The following RNF111 variants were observed in gnomAD, a reference collection of about 807,000 sequenced individuals.
RNF111 encodes ring finger protein 111.
RNF111 carries 17 observed loss-of-function variants against 95.1 expected under a neutral mutation model. The ratio of observed to expected loss-of-function variants is 0.18; its 90% CI spans 0.12 to 0.27. RNF111 has a LOEUF of 0.27. Ranked by LOEUF, RNF111 falls within the 10% of genes least tolerant of loss-of-function variation. The pLI is 1.00. For missense variants in RNF111, 1,189 were observed against 1,210.4 expected (o/e 0.98, Z 0.26); for synonymous variants, 440 against 414.8 (o/e 1.06, Z -0.74).
In RNF111 at chr15:59,020,026, A is replaced by G. The variant is rs950009420; in HGVS notation, c.-19-10778A>G. Among the ~76,000 whole-genome samples the G allele has an allele frequency of 5.3e-5, 8 of 151,634 alleles. No individual in the cohort carries two copies. The East Asian group carries it at 1.5e-3, about 29-fold the overall frequency. On this transcript the variant is annotated intron_variant, in intron 1 of 13. Transcript: ENST00000348370. ...TAGCTACTGCACCGAAATGGGGTTAATGGATTTTTGAGTTTAGTTCTCTTA... is the reference window on the plus strand; with the variant it reads ...TAGCTACTGCACCGAAATGGGGTTAGTGGATTTTTGAGTTTAGTTCTCTTA...
chr15:59,049,148 CA>C (rs1458155251), intron 2 of RNF111, among the ~76,000 whole-genome samples: 2 of 152,130 alleles, frequency 1.3e-5, no homozygotes, highest in African/African-American at 4.8e-5. Flanking sequence ...TTCCATCTTC[CA>C]AAACTGGAAC....
chr15:59,072,695 G>T (rs1188044381), intron 6 of RNF111, among the ~76,000 whole-genome samples: 1 of 151,450 alleles, frequency 6.6e-6, no homozygotes, highest in Non-Finnish European at 1.5e-5. Flanking sequence ...CTCGTGATCT[G>T]CCTGCCTCAG....
rs778367333 is a variant in RNF111 at position 59,084,240 on chromosome 15, A to G, written c.2409A>G (p.Pro803=). The G allele has an allele frequency of 1.9e-6, 3 of 1,590,002 alleles. No individual in the cohort carries two copies. Among genetic ancestry groups the G allele is most frequent in the Non-Finnish European group, 1.7e-6 (2 of 1,168,570 alleles). The change falls in exon 9 of 14, where the codon CCA becomes CCG. Residue 803 remains proline (P), a synonymous_variant. Transcript: ENST00000348370. ...QTMSSHPRQA[P]ERSAWELGIE... is the part of the protein sequence containing the mutation. ...TGTCCTCACATCCTCGACAGGCTCCAGAGAGGTCTGCCTGGTCAGTATCTT... is the reference window on the plus strand; with the variant it reads ...TGTCCTCACATCCTCGACAGGCTCCGGAGAGGTCTGCCTGGTCAGTATCTT...
chr15:59,042,308 G>A (rs2041504137), intron 2 of RNF111, among the ~76,000 whole-genome samples: 1 of 151,952 alleles, frequency 6.6e-6, no homozygotes, highest in Non-Finnish European at 1.5e-5. Flanking sequence ...TATATTTTTA[G>A]GAGGGATGAG....
intron 5 of RNF111, among the ~76,000 whole-genome samples, chr15:59,064,371 T>C (rs994592533): frequency 1.1e-4 from 17 of 151,882 alleles, no homozygotes; most frequent in Non-Finnish European, 2.1e-4. Flanking sequence ...CCGTCTCTAC[T>C]AAAAATACAA....
chr15:59,007,203 A>G (rs1370779801), intron 1 of RNF111, among the ~76,000 whole-genome samples: 1 of 152,204 alleles, frequency 6.6e-6, no homozygotes. Context: ...CATGACCTCA[A>G]AAAGTTACAT....
intron 2 of RNF111, among the ~76,000 whole-genome samples, chr15:59,047,224 G>A (rs982733645): frequency 6.6e-6 from 1 of 152,136 alleles, no homozygotes; most frequent in Non-Finnish European, 1.5e-5. Flanking sequence ...GGCTTGGCAC[G>A]GTGGCTCACA....
chr15:59,076,571 T>C (rs1403555095), intron 7 of RNF111, among the ~76,000 whole-genome samples: 1 of 152,196 alleles, frequency 6.6e-6, no homozygotes, highest in African/African-American at 2.4e-5. Flanking sequence ...AATTAAAATA[T>C]AACCATGGTT....
chr15:59,088,889 A>G (rs1295398374), intron 10 of RNF111, among the ~76,000 whole-genome samples: 2 of 152,188 alleles, frequency 1.3e-5, no homozygotes, highest in African/African-American at 4.8e-5. Context: ...TTGCTTAGGA[A>G]CACTAGACAG....
At chr15:59,025,428 T>G (rs767811051) in intron 1 of RNF111, among the ~76,000 whole-genome samples, 3 of 152,212 alleles carry the variant, frequency 2.0e-5, no homozygotes, top group Non-Finnish European at 4.4e-5. Flanking sequence ...TTTTGGCTAT[T>G]TAGAATATGT....
intron 8 of RNF111, among the ~76,000 whole-genome samples, chr15:59,083,347 A>G (rs1489833353): frequency 6.6e-6 from 1 of 152,168 alleles, no homozygotes; most frequent in South Asian, 2.1e-4. Context: ...AGAGATTGAG[A>G]CCATCCTGGC....
rs780916422 is a variant in RNF111, at chr15:59,055,754, G to A, written c.1080G>A (p.Gln360=). The stretch of plus-strand genomic sequence containing the variant: ...CCAGTTCTCATGCAAGTCGGCCACA[G>A]GAGCCACGGAACCGCAGTAGGATTT... ...QGSSSHASRP[Q]EPRNRSRIST... is the part of the protein sequence containing the mutation. The change falls in exon 4 of 14, where the codon CAG becomes CAA. Residue 360 remains glutamine (Q), a synonymous_variant. Transcript: ENST00000348370. 1.2e-6 allele frequency: 2 copies of A among 1,613,826 alleles called. No individual in the cohort carries two copies. The highest frequency in any genetic ancestry group is 2.7e-5 in the African/African-American group (2 of 74,894).
intron 6 of RNF111, among the ~76,000 whole-genome samples, chr15:59,069,027 TCA>T (rs1382856795): frequency 3.7e-5 from 5 of 135,750 alleles, no homozygotes; most frequent in Non-Finnish European, 6.0e-5. Context: ...TGAGCTGAGA[TCA>T]TGCCACCACA....
chr15:59,054,391 G>A (rs1469609218), intron 3 of RNF111, among the ~76,000 whole-genome samples: 2 of 152,048 alleles, frequency 1.3e-5, no homozygotes, highest in Non-Finnish European at 2.9e-5. Flanking sequence ...ACAATATGAT[G>A]CTTTCACAAA....
chr15:58,987,699 AGGCGGCGGCGGCGGCGAAGC>A lies in RNF111; in HGVS notation c.-376_-357del, dbSNP rs1465680904. 14 of 179,064 alleles carry A rather than the reference AGGCGGCGGCGGCGGCGAAGC, an allele frequency of 7.8e-5. No homozygotes were observed. Among genetic ancestry groups the A allele is most frequent in the African/African-American group, 3.1e-4 (13 of 41,638 alleles). The allele number at this position is 179,064 out of a possible 1,614,324, so 11.1% of individuals were successfully genotyped here. ...CTCCTCGGTAGGGGAGGAATTGGTTAGGCGGCGGCGGCGGCGAAGCGGCGGCGGCGGCTGTAGGGGAGCAG... is the reference window on the plus strand; with the variant it reads ...CTCCTCGGTAGGGGAGGAATTGGTTAGGCGGCGGCGGCTGTAGGGGAGCAG... On this transcript the variant is annotated 5_prime_UTR_variant, in exon 1 of 14. Transcript: ENST00000348370.
intron 6 of RNF111, among the ~76,000 whole-genome samples, chr15:59,069,399 T>G (rs1434253224): frequency 6.6e-6 from 1 of 152,180 alleles, no homozygotes; most frequent in Non-Finnish European, 1.5e-5. Flanking sequence ...TTTTCCTACA[T>G]TCATTAAAGA....
At chr15:59,049,745 CT>C (rs368049097) in intron 2 of RNF111, 57 of 104,628 alleles carry the variant, frequency 5.4e-4, no homozygotes, top group South Asian at 3.6e-3. Context: ...TTCTTTCTTT[CT>C]TTTTTTTTTT....
At chr15:59,033,226 CTT>C (rs1359528942) in intron 2 of RNF111, among the ~76,000 whole-genome samples, 4 of 152,186 alleles carry the variant, frequency 2.6e-5, no homozygotes, top group Non-Finnish European at 4.4e-5. Context: ...TGCTAGTCTA[CTT>C]TTGGATGTGC....
chr15:59,046,617 C>T (rs1190205151), intron 2 of RNF111, among the ~76,000 whole-genome samples: 1 of 152,130 alleles, frequency 6.6e-6, no homozygotes, highest in Non-Finnish European at 1.5e-5. Context: ...CTAAATGATA[C>T]AAGTTCTAGA....
Sources: allele counts gnomAD v4.1 joint callset (sites outside exome capture counted in the v4.1 genomes callset), GRCh38; gene constraint gnomAD v4.1.1; transcripts MANE v1.5; gene names NCBI Gene and HGNC (gene_info 2026-07-23, HGNC 2026-07-21).